Variants in WDR88 observed in about 807,000 individuals in gnomAD.
The protein encoded by WDR88 is WD repeat-containing protein 88.
Under a neutral mutation model 46.8 loss-of-function variants are expected in WDR88, and 40 were observed. That is an observed-to-expected ratio of 0.86 (90% CI 0.66 to 1.11). The LOEUF (loss-of-function observed/expected upper bound fraction) is 1.11, where lower values mean the gene tolerates loss of function less well. Among genes scored for constraint, WDR88 ranks in the 50% most tolerant of loss-of-function variants. The pLI, the probability that WDR88 is intolerant of heterozygous loss-of-function variation, is 0.00. For missense variants in WDR88, 562 were observed against 602.4 expected, an observed-to-expected ratio of 0.93 and a Z score of 0.70; for synonymous variants, 235 against 240.7, an observed-to-expected ratio of 0.98 and a Z score of 0.22.
At position 33,133,190 on chromosome 19, in the gene WDR88, AATAAAT is replaced by A. The variant is rs200259121; in HGVS notation, c.276+749_276+754del. 2.0e-3 allele frequency among the ~76,000 whole-genome samples: 256 copies of A among 128,678 alleles called. 1 individual carries two copies. The highest frequency in any genetic ancestry group is 4.7e-3 in the South Asian group (18 of 3,862). 84.4% of individuals were successfully genotyped at this position (128,678 alleles called of 152,430 possible). A position where few individuals can be genotyped will look rare whatever the true frequency, so the allele number is the denominator to read the frequency against. ...AAATAAATAAATAAATAAATAAATA[AATAAAT>A]ATAGAGAGAGAGAGAGAAAGAAAGA... On this transcript the variant is annotated intron_variant, in intron 1 of 10. Coordinates refer to ENST00000355868, the MANE Select transcript of WDR88 (RefSeq NM_173479.4).
At chr19:33,160,595 G>A (rs1973849248) in intron 8 of WDR88, 99 bp downstream of exon 8, 1 of 1,243,010 alleles carries the variant, frequency 8.0e-7, no homozygotes, top group Non-Finnish European at 1.2e-6. Context: ...GAGTGACACA[G>A]GCCTTGATGC....
At chr19:33,143,037 G>A (rs1320230299) in intron 2 of WDR88, among the ~76,000 whole-genome samples, 7 of 151,458 alleles carry the variant, frequency 4.6e-5, no homozygotes, top group Non-Finnish European at 4.4e-5. Flanking sequence ...AAGGGTTTAA[G>A]TCTCCCTGAA....
At chr19:33,153,846 A>G (rs962827667) in intron 6 of WDR88, among the ~76,000 whole-genome samples, 1 of 152,106 alleles carries the variant, frequency 6.6e-6, no homozygotes, top group Non-Finnish European at 1.5e-5. Flanking sequence ...CCTATAGGTA[A>G]AAAGTCATTT....
At chr19:33,151,397 A>G (rs1232197418) in intron 6 of WDR88, 87 bp downstream of exon 6, 2 of 1,497,622 alleles carry the variant, frequency 1.3e-6, no homozygotes, top group Admixed American at 2.0e-5. Context: ...GCCAGCATCC[A>G]TGTGGACACG....
chr19:33,156,620 CAGAG>C, intron 7 of WDR88, 78 bp downstream of exon 7: 1 of 1,464,396 alleles, frequency 6.8e-7, no homozygotes, highest in South Asian at 1.4e-5. Context: ...TTCAAATGGA[CAGAG>C]AGGCAATTTC....
rs1267443218 is a variant in WDR88, at chr19:33,145,050, T to C, written c.476+118T>C. On this transcript the variant is annotated intron_variant, in intron 3 of 10. Coordinates refer to ENST00000355868, the MANE Select transcript of WDR88 (RefSeq NM_173479.4). ...GTAATAGATATGGGGTCTCACCATG[T>C]GGCCTAAGCTGGTCTCGAACCTGTG... 8 of 935,888 alleles carry C rather than the reference T, an allele frequency of 8.5e-6. No homozygotes were observed. The East Asian group carries it at 2.1e-4, about 25-fold the overall frequency. 58.0% of individuals were successfully genotyped at this position (935,888 alleles called of 1,614,324 possible).
chr19:33,172,253 C>T (rs902308845), intron 9 of WDR88, 95 bp from the exon 10 acceptor site: 2 of 1,075,500 alleles, frequency 1.9e-6, no homozygotes, highest in Non-Finnish European at 2.8e-6. Context: ...CTTTTTGTGC[C>T]TTGACAGCCC....
At chr19:33,151,787 G>A (rs1425943914) in intron 6 of WDR88, among the ~76,000 whole-genome samples, 2 of 152,126 alleles carry the variant, frequency 1.3e-5, no homozygotes, top group South Asian at 4.1e-4. Flanking sequence ...GGCTGAGGCT[G>A]GAGGATTGCT....
At chr19:33,148,731 A>C (rs1258803069) in intron 4 of WDR88, 41 bp from the exon 5 acceptor site, 1 of 1,613,492 alleles carries the variant, frequency 6.2e-7, no homozygotes, top group African/African-American at 1.3e-5. Context: ...AACACACCAC[A>C]CCTGGCTTAA....
chr19:33,147,496 A>G (rs1973542700), intron 3 of WDR88, 149 bp from the exon 4 acceptor site: 8 of 635,314 alleles, frequency 1.3e-5, no homozygotes, highest in Non-Finnish European at 1.9e-5. Flanking sequence ...TCAGCTACTC[A>G]GGAGGCTGTG....
intron 5 of WDR88, among the ~76,000 whole-genome samples, chr19:33,149,361 A>AAAC (rs1973586158): frequency 6.6e-6 from 1 of 152,052 alleles, no homozygotes; most frequent in African/African-American, 2.4e-5. Flanking sequence ...ACAAACAAAC[A>AAAC]AAAAAACACA....
intron 1 of WDR88, 68 bp downstream of exon 1, chr19:33,132,513 G>T (rs975620807): frequency 1.9e-6 from 3 of 1,569,156 alleles, no homozygotes; most frequent in Non-Finnish European, 2.6e-6. Flanking sequence ...CGCTCGAGCT[G>T]TCGGGGGACC....
At chr19:33,146,290 G>A (rs866468582) in intron 3 of WDR88, among the ~76,000 whole-genome samples, 13 of 152,106 alleles carry the variant, frequency 8.5e-5, no homozygotes, top group Middle Eastern at 6.8e-3. Context: ...GTGAAACTCC[G>A]TCTTAAAAGA....
intron 5 of WDR88, among the ~76,000 whole-genome samples, chr19:33,149,315 C>G (rs923917340): frequency 2.0e-5 from 3 of 148,084 alleles, no homozygotes; most frequent in African/African-American, 7.8e-5. Flanking sequence ...GAGTGAGACT[C>G]CATCTCAAAA....
intron 5 of WDR88, among the ~76,000 whole-genome samples, chr19:33,150,785 C>T (rs1973617799): frequency 6.6e-6 from 1 of 152,280 alleles, no homozygotes; most frequent in South Asian, 2.1e-4. Context: ...CCTTTGCAAG[C>T]ACTGTTCCTT....
intron 9 of WDR88, among the ~76,000 whole-genome samples, chr19:33,166,441 G>A (rs1466028864): frequency 6.6e-6 from 1 of 151,552 alleles, no homozygotes; most frequent in African/African-American, 2.4e-5. Context: ...AATTAGCCAA[G>A]CATAGTGATA....
At chr19:33,142,575 C>T (rs898223470) in intron 2 of WDR88, among the ~76,000 whole-genome samples, 4 of 151,768 alleles carry the variant, frequency 2.6e-5, no homozygotes, top group African/African-American at 9.7e-5. Context: ...GTTGTGGGGA[C>T]CGAGGGCCTC....
Position 33,151,407 on chromosome 19 carries a change from G to A in WDR88, c.809+97G>A, listed in dbSNP as rs963405611. The A allele has an allele frequency of 6.5e-5, 95 of 1,454,678 alleles. No homozygotes were observed. The Middle Eastern group carries it at 7.2e-4, about 11-fold the overall frequency. 90.1% of individuals were successfully genotyped at this position (1,454,678 alleles called of 1,614,324 possible). A position where few individuals can be genotyped will look rare whatever the true frequency, so the allele number is the denominator to read the frequency against. Reference sequence around the variant, plus strand: ...CATAAGCCAGCATCCATGTGGACACGTCTGTAGCTTGGTCATAGGTGCTCT... The same window carrying A: ...CATAAGCCAGCATCCATGTGGACACATCTGTAGCTTGGTCATAGGTGCTCT... On this transcript the variant is annotated intron_variant, in intron 6 of 10. Coordinates refer to ENST00000355868, the MANE Select transcript of WDR88 (RefSeq NM_173479.4).
Position 33,151,226 on chromosome 19 carries a change from G to A in WDR88, c.725G>A (p.Ser242Asn), listed in dbSNP as rs1973627808. The change falls in exon 6 of 11, where the codon AGC becomes AAC. Residue 242 changes from serine (S) to asparagine (N), a missense_variant. Physicochemically the swap from Ser to Asn is conservative, Grantham distance 46 (BLOSUM62 1). Transcript: ENST00000355868. ...ACGTCATGCTGCTTTGACCCCGACA[G>A]CCAGAGGGTGGCTTCTGTCTCATTG... is the stretch of plus-strand genomic sequence containing the variant. ...SITSCCFDPD[S>N]QRVASVSLDR... The A allele has an allele frequency of 1.9e-6, 3 of 1,613,778 alleles. No homozygotes were observed. The highest frequency in any genetic ancestry group is 2.5e-6 in the Non-Finnish European group (3 of 1,179,950).
Sources: allele counts gnomAD v4.1 joint callset (sites outside exome capture counted in the v4.1 genomes callset), GRCh38; gene constraint gnomAD v4.1.1; transcripts MANE v1.5; gene names NCBI Gene and HGNC (gene_info 2026-07-23, HGNC 2026-07-21).